PABPC4L: variants seen among roughly 807,000 people sequenced by gnomAD.
PABPC4L encodes the protein polyadenylate-binding protein 4-like.
For missense variants in PABPC4L, 452 were observed against 451.4 expected, an observed-to-expected ratio of 1.00 and a Z score of -0.01; for synonymous variants, 169 against 164.1, an observed-to-expected ratio of 1.03 and a Z score of -0.23.
At chr4:133,970,254 C>A in the PABPC4L span, among the ~76,000 whole-genome samples, 1 of 151,940 alleles carries the variant, frequency 6.6e-6, no homozygotes, top group Non-Finnish European at 1.5e-5. Flanking sequence ...CCATCTCTGG[C>A]CAATTTCTTT....
the PABPC4L span, chr4:133,979,029 CAAG>C: frequency 6.6e-6 from 1 of 152,098 alleles, no homozygotes; most frequent in East Asian, 1.9e-4. Context: ...TTGATGCTTT[CAAG>C]ATCTTTTGTA....
chr4:134,015,042 C>T, the PABPC4L span, among the ~76,000 whole-genome samples: 123 of 152,102 alleles, frequency 8.1e-4, no homozygotes, highest in Non-Finnish European at 1.0e-3. Context: ...CCTCTTTTAT[C>T]CCCCCACCTT....
At position 134,198,355 on chromosome 4, in the gene PABPC4L, AT is replaced by A. The variant is rs1729731195; in HGVS notation, c.*1551del. On this transcript the variant is annotated 3_prime_UTR_variant, in exon 2 of 2. Transcript: ENST00000421491. The stretch of plus-strand genomic sequence containing the variant: ...TCTTTTAATTTTTTCATTGTCCATA[AT>A]TTTTTATGGACTAAAAGATTTTCAT... 6.6e-6 allele frequency: 1 copy of A among 151,674 alleles called. No individual in the cohort carries two copies. Among genetic ancestry groups the A allele is most frequent in the South Asian group, 2.1e-4 (1 of 4,826 alleles). 9.4% of individuals were successfully genotyped at this position (151,674 alleles called of 1,614,324 possible).
chr4:134,175,333 A>G, the PABPC4L span, among the ~76,000 whole-genome samples: 1 of 152,096 alleles, frequency 6.6e-6, no homozygotes, highest in Admixed American at 6.6e-5. Context: ...CAGCCTCTGT[A>G]GATTTAAGCT....
At chr4:134,187,136 A>C in the PABPC4L span, among the ~76,000 whole-genome samples, 1 of 152,042 alleles carries the variant, frequency 6.6e-6, no homozygotes. Flanking sequence ...ACAGTGTGGC[A>C]ATTCCTCAAG....
chr4:134,107,907 CAT>C, the PABPC4L span, among the ~76,000 whole-genome samples: 23 of 151,378 alleles, frequency 1.5e-4, no homozygotes, highest in Non-Finnish European at 2.2e-4. Context: ...GACCCAAAGA[CAT>C]ATATTTTATT....
chr4:134,179,060 T>A, the PABPC4L span, among the ~76,000 whole-genome samples: 1 of 151,986 alleles, frequency 6.6e-6, no homozygotes, highest in Admixed American at 6.6e-5. Flanking sequence ...TCCCTCAAAA[T>A]ACTAAATAAG....
chr4:134,142,000 A>G, the PABPC4L span, among the ~76,000 whole-genome samples: 4 of 151,908 alleles, frequency 2.6e-5, no homozygotes, highest in African/African-American at 9.6e-5. Context: ...CGTAAAAGCA[A>G]AAGATACACA....
chr4:134,015,143 G>T, the PABPC4L span, among the ~76,000 whole-genome samples: 1 of 151,920 alleles, frequency 6.6e-6, no homozygotes, highest in East Asian at 1.9e-4. Context: ...CCCTTACCCT[G>T]CTCAATGCCA....
the PABPC4L span, among the ~76,000 whole-genome samples, chr4:134,182,989 C>T: frequency 6.6e-6 from 1 of 151,850 alleles, no homozygotes; most frequent in Admixed American, 6.6e-5. Flanking sequence ...GAAAAGGGAA[C>T]ACTTATGCAC....
At chr4:133,955,731 A>C in the PABPC4L span, among the ~76,000 whole-genome samples, 3 of 152,346 alleles carry the variant, frequency 2.0e-5, no homozygotes, top group South Asian at 6.2e-4. Context: ...AGTTTCTGGA[A>C]TGCATATTTG....
At chr4:134,052,401 T>A in the PABPC4L span, among the ~76,000 whole-genome samples, 1 of 152,068 alleles carries the variant, frequency 6.6e-6, no homozygotes, top group Non-Finnish European at 1.5e-5. Context: ...AAACAGTGTT[T>A]TACTCTCAAA....
the PABPC4L span, among the ~76,000 whole-genome samples, chr4:134,060,137 A>G: frequency 1.3e-5 from 2 of 152,174 alleles, no homozygotes; most frequent in East Asian, 3.9e-4. Flanking sequence ...ACCCATGGAG[A>G]TAGCATTTAG....
chr4:133,992,984 G>A, the PABPC4L span, among the ~76,000 whole-genome samples: 58 of 152,000 alleles, frequency 3.8e-4, no homozygotes, highest in Non-Finnish European at 7.4e-4. Flanking sequence ...TTAATGCATC[G>A]TGCTGGAATC....
At chr4:134,105,937 C>T in the PABPC4L span, among the ~76,000 whole-genome samples, 161 of 151,704 alleles carry the variant, frequency 1.1e-3, no homozygotes, top group African/African-American at 3.6e-3. Context: ...CTGTAATAAT[C>T]CAGAAGAAAA....
At chr4:134,175,928 A>C in the PABPC4L span, among the ~76,000 whole-genome samples, 1 of 152,194 alleles carries the variant, frequency 6.6e-6, no homozygotes, top group South Asian at 2.1e-4. Context: ...TCTTGTCTTA[A>C]CTGCAGACTC....
the PABPC4L span, among the ~76,000 whole-genome samples, chr4:133,994,882 A>G: frequency 2.8e-4 from 43 of 152,294 alleles, no homozygotes; most frequent in Non-Finnish European, 5.3e-4. Context: ...TTTACTGGAT[A>G]GGCTTGATTG....
At chr4:134,171,848 A>G in the PABPC4L span, among the ~76,000 whole-genome samples, 3 of 152,146 alleles carry the variant, frequency 2.0e-5, no homozygotes, top group African/African-American at 7.2e-5. Flanking sequence ...TACAAAAATC[A>G]GTAGCATTTC....
At chr4:133,989,168 A>T in the PABPC4L span, among the ~76,000 whole-genome samples, 1 of 152,096 alleles carries the variant, frequency 6.6e-6, no homozygotes, top group African/African-American at 2.4e-5. Context: ...GGTCTCTGAT[A>T]TGTCCTGAAG....
Sources: gnomAD v4.1 joint callset for allele counts (sites outside exome capture counted in the v4.1 genomes callset) on GRCh38, gnomAD v4.1.1 for gene constraint, MANE v1.5 for transcripts, NCBI Gene and HGNC (gene_info 2026-07-23, HGNC 2026-07-21) for gene names.